The following ARHGAP18 variants were observed in gnomAD, a reference collection of about 807,000 sequenced individuals.
The protein encoded by ARHGAP18 is rho GTPase-activating protein 18.
ARHGAP18 carries 67 observed loss-of-function variants against 86.2 expected under a neutral mutation model. The observed-to-expected ratio is 0.78, with a 90% CI of 0.64 to 0.95. The LOEUF is 0.95. Among genes scored for constraint, ARHGAP18 ranks in the 40% least tolerant of loss-of-function variants. The probability of loss-of-function intolerance (pLI) is 0.00; values close to 1 mark genes in which losing one functional copy is unlikely to be tolerated. For synonymous variants in ARHGAP18, 283 were observed against 280.4 expected, an observed-to-expected ratio of 1.01 and a Z score of -0.09; for missense variants, 691 against 780.4, an observed-to-expected ratio of 0.89 and a Z score of 1.37.
In ARHGAP18 at chr6:129,707,017, G is replaced by A. The variant is rs537378747; in HGVS notation, c.113+3007C>T. On this transcript the variant is annotated intron_variant, in intron 1 of 14. Coordinates refer to ENST00000368149, the MANE Select transcript of ARHGAP18 (RefSeq NM_033515.3). The stretch of plus-strand genomic sequence containing the variant: ...CAAGGTGGGCAGATCACCTGAAGTC[G>A]GGAGTTCGAGACCAGCCTGACCAAC... 7.7e-4 allele frequency among the ~76,000 whole-genome samples: 115 copies of A among 149,198 alleles called. 3 individuals carry two copies. In the South Asian group the frequency reaches 0.023, roughly 30 times the overall value.
intron 1 of ARHGAP18, among the ~76,000 whole-genome samples, chr6:129,652,267 A>G (rs539960981): frequency 3.0e-4 from 46 of 152,344 alleles, no homozygotes; most frequent in African/African-American, 1.0e-3. Context: ...TCCTCAGAAC[A>G]ACTGTCTAGT....
At chr6:129,648,256 A>G (rs1006111685) in intron 1 of ARHGAP18, among the ~76,000 whole-genome samples, 1 of 151,722 alleles carries the variant, frequency 6.6e-6, no homozygotes, top group Non-Finnish European at 1.5e-5. Context: ...CTGCAGCCTC[A>G]AGCTCCTGGG....
At chr6:129,608,734 ATT>A (rs935850944) in intron 8 of ARHGAP18, among the ~76,000 whole-genome samples, 5 of 152,200 alleles carry the variant, frequency 3.3e-5, no homozygotes, top group African/African-American at 1.2e-4. Context: ...TGTAATTACT[ATT>A]TTTTGTATAC....
At chr6:129,580,163 A>G (rs766818758) in intron 13 of ARHGAP18, 32 bp from the exon 14 acceptor site, 1 of 1,576,792 alleles carries the variant, frequency 6.3e-7, no homozygotes, top group Non-Finnish European at 8.7e-7. Context: ...GATTAGTTGT[A>G]TCATCAAACA....
intron 2 of ARHGAP18, among the ~76,000 whole-genome samples, chr6:129,640,069 C>A (rs369214851): frequency 0.097 from 9,444 of 97,020 alleles, 308 homozygotes; most frequent in Non-Finnish European, 0.12. Context: ...AAAAAACAAA[C>A]AAAAGTCAGC....
chr6:129,596,942 C>T (rs142641394), intron 12 of ARHGAP18: 124 of 152,314 alleles, frequency 8.1e-4, no homozygotes, highest in African/African-American at 3.0e-3. Context: ...CAAACTTTCA[C>T]ATTAAATGTT....
At chr6:129,665,615 T>C (rs1774022846) in intron 1 of ARHGAP18, among the ~76,000 whole-genome samples, 1 of 152,190 alleles carries the variant, frequency 6.6e-6, no homozygotes, top group Admixed American at 6.5e-5. Flanking sequence ...TCCACTATGT[T>C]CTGCGAAAGA....
At chr6:129,701,131 A>T (rs1404306927) in intron 1 of ARHGAP18, among the ~76,000 whole-genome samples, 1 of 152,230 alleles carries the variant, frequency 6.6e-6, no homozygotes, top group East Asian at 1.9e-4. Flanking sequence ...ATGAAGTGAA[A>T]TGTCTGGGGA....
intron 13 of ARHGAP18, among the ~76,000 whole-genome samples, chr6:129,583,679 CT>C (rs1424107654): frequency 2.0e-5 from 3 of 152,088 alleles, no homozygotes; most frequent in Admixed American, 2.0e-4. Flanking sequence ...TCAACATATC[CT>C]GGAAAGAATA....
chr6:129,589,953 T>C (rs1351914359), intron 12 of ARHGAP18, among the ~76,000 whole-genome samples: 2 of 152,112 alleles, frequency 1.3e-5, no homozygotes, highest in Non-Finnish European at 2.9e-5. Flanking sequence ...GGTCCAAACA[T>C]TGAAGAACTT....
chr6:129,591,247 A>G (rs1788506674), intron 12 of ARHGAP18, among the ~76,000 whole-genome samples: 2 of 152,216 alleles, frequency 1.3e-5, no homozygotes, highest in Non-Finnish European at 2.9e-5. Flanking sequence ...GAGCCATAAT[A>G]ATAACTGAAT....
At chr6:129,677,780 T>G (rs1029222964) in intron 1 of ARHGAP18, among the ~76,000 whole-genome samples, 4 of 152,220 alleles carry the variant, frequency 2.6e-5, no homozygotes, top group Non-Finnish European at 4.4e-5. Context: ...TCTTGTCTTT[T>G]ATTATAGCAA....
intron 1 of ARHGAP18, among the ~76,000 whole-genome samples, chr6:129,699,766 G>A (rs1179700423): frequency 6.6e-6 from 1 of 152,048 alleles, no homozygotes; most frequent in African/African-American, 2.4e-5. Flanking sequence ...CACCAAAAAA[G>A]TCCCCAGTCT....
intron 1 of ARHGAP18, among the ~76,000 whole-genome samples, chr6:129,658,430 A>G (rs888996558): frequency 1.3e-5 from 2 of 152,126 alleles, no homozygotes; most frequent in Admixed American, 6.5e-5. Flanking sequence ...TGGAAAAAAA[A>G]AAAACATAAA....
chr6:129,635,046 A>G (rs1019193176), intron 3 of ARHGAP18, among the ~76,000 whole-genome samples: 3 of 152,220 alleles, frequency 2.0e-5, no homozygotes, highest in African/African-American at 7.2e-5. Context: ...ATGGTAAACC[A>G]TGGCCGACTC....
At chr6:129,602,869 C>T (rs1194261202) in intron 10 of ARHGAP18, among the ~76,000 whole-genome samples, 1 of 151,874 alleles carries the variant, frequency 6.6e-6, no homozygotes, top group East Asian at 1.9e-4. Flanking sequence ...ACTCAAAATA[C>T]TACTATCAGA....
At chr6:129,676,739 A>G (rs188026984) in intron 1 of ARHGAP18, among the ~76,000 whole-genome samples, 2 of 152,236 alleles carry the variant, frequency 1.3e-5, no homozygotes, top group Admixed American at 1.3e-4. Context: ...GAGCTCCCCA[A>G]CTAGTCACTT....
At chr6:129,609,700 G>C (rs1360834572) in intron 8 of ARHGAP18, among the ~76,000 whole-genome samples, 1 of 152,088 alleles carries the variant, frequency 6.6e-6, no homozygotes, top group East Asian at 1.9e-4. Context: ...ACAATGACAA[G>C]CTATGAAACT....
intron 13 of ARHGAP18, among the ~76,000 whole-genome samples, chr6:129,582,325 G>T (rs544949624): frequency 5.4e-4 from 82 of 152,200 alleles, no homozygotes; most frequent in African/African-American, 1.8e-3. Flanking sequence ...TTGAATGTGG[G>T]GTACAGCTTC....
Sources: allele counts gnomAD v4.1 joint callset (sites outside exome capture counted in the v4.1 genomes callset), GRCh38; gene constraint gnomAD v4.1.1; transcripts MANE v1.5; gene names NCBI Gene and HGNC (gene_info 2026-07-23, HGNC 2026-07-21).